Variants in DDO observed in about 807,000 individuals in gnomAD.
The protein encoded by DDO is D-aspartate oxidase, DDO.
DDO carries 16 observed loss-of-function variants against 16.8 expected under a neutral mutation model. The observed-to-expected ratio is 0.95, with a 90% CI of 0.65 to 1.45. The LOEUF is 1.45. Ranked by LOEUF, DDO falls within the 40% of genes most tolerant of loss-of-function variation. DDO has a pLI of 0.00. For synonymous variants in DDO, 180 were observed against 167.2 expected (o/e 1.08, Z -0.59); for missense variants, 429 against 420.3 (o/e 1.02, Z -0.18).
At chr6:110,411,752 G>A (rs1397071754) in intron 2 of DDO, among the ~76,000 whole-genome samples, 1 of 152,098 alleles carries the variant, frequency 6.6e-6, no homozygotes, top group Non-Finnish European at 1.5e-5. Flanking sequence ...AGGGAGGACG[G>A]TTTAAACTAT....
Position 110,392,793 on chromosome 6 carries a change from A to C in DDO, c.1008T>G (p.Ile336Met). The change falls in exon 5 of 5, where the codon ATT (isoleucine) becomes ATG (methionine). Residue 336 changes from isoleucine (I) to methionine (M), a missense_variant. Transcript: ENST00000368924. The stretch of plus-strand genomic sequence containing the variant: ...ATGTCATCTACAGGTTTGACTTGGG[A>C]ATGGGGGTCCTGAGGGCATGGACAC... ...SECVHALRTP[I>M]PKSNL 6.4e-7 allele frequency: 1 copy of C among 1,562,344 alleles called. No individual in the cohort carries two copies. Among genetic ancestry groups the C allele is most frequent in the Non-Finnish European group, 8.7e-7 (1 of 1,152,998 alleles).
At chr6:110,403,665 G>T (rs1383305623) in intron 4 of DDO, among the ~76,000 whole-genome samples, 1 of 152,148 alleles carries the variant, frequency 6.6e-6, no homozygotes, top group African/African-American at 2.4e-5. Flanking sequence ...ACTAGATTAC[G>T]ATGCCACTGA....
intron 4 of DDO, among the ~76,000 whole-genome samples, chr6:110,397,504 G>T (rs550095560): frequency 5.8e-4 from 88 of 152,162 alleles, no homozygotes; most frequent in Non-Finnish European, 1.1e-3. Flanking sequence ...ATAATTTGGG[G>T]GAATAAGAGA....
At chr6:110,388,860 T>G (rs1773056597), downstream of DDO, 2 of 951,158 alleles carry the variant, frequency 2.1e-6, no homozygotes, top group Non-Finnish European at 2.5e-6. Context: ...AAAGAAAAAA[T>G]AAAGCAGTCT....
At chr6:110,397,093 T>C (rs1233644692) in intron 4 of DDO, among the ~76,000 whole-genome samples, 1 of 152,220 alleles carries the variant, frequency 6.6e-6, no homozygotes, top group East Asian at 1.9e-4. Flanking sequence ...TTTAATCTTA[T>C]ATCCATAATA....
chr6:110,400,068 C>T (rs983933849), intron 4 of DDO, among the ~76,000 whole-genome samples: 5 of 152,142 alleles, frequency 3.3e-5, no homozygotes, highest in Non-Finnish European at 5.9e-5. Flanking sequence ...GGCTGGGGGT[C>T]ATTTTAAGTG....
intron 1 of DDO, among the ~76,000 whole-genome samples, chr6:110,414,158 A>G (rs368677456): frequency 1.0e-3 from 156 of 152,362 alleles, no homozygotes; most frequent in African/African-American, 3.4e-3. Flanking sequence ...CTTTGCTCCC[A>G]GAACTACCTG....
downstream of DDO, chr6:110,388,675 A>C (rs1043748199): frequency 2.7e-5 from 10 of 376,404 alleles, no homozygotes; most frequent in Non-Finnish European, 3.7e-5. Context: ...CCTGCTGAAG[A>C]AGCACACGCT....
chr6:110,410,836 G>C (rs1405978354), intron 2 of DDO, among the ~76,000 whole-genome samples: 1 of 152,078 alleles, frequency 6.6e-6, no homozygotes, highest in Non-Finnish European at 1.5e-5. Context: ...GGATACACCA[G>C]GTGCCTGTGT....
chr6:110,408,357 A>C lies in DDO; in HGVS notation c.258T>G (p.Asp86Glu), dbSNP rs1773728491. The change falls in exon 3 of 5, where the codon GAT (aspartate) becomes GAG (glutamate). Residue 86 changes from aspartate to glutamate, a missense_variant. By Grantham distance (45) the Asp-to-Glu change is conservative. Transcript: ENST00000368924. Reference sequence around the variant, plus strand: ...ACCCTGATACCAAATGAACACCAGCATCTCCAGCTTCTGCAGAATTGGCAA... The same window carrying C: ...ACCCTGATACCAAATGAACACCAGCCTCTCCAGCTTCTGCAGAATTGGCAA... ...FAIANSAEAG[D>E]AGVHLVSGWQ... 6.2e-7 allele frequency: 1 copy of C among 1,614,176 alleles called. No individual in the cohort carries two copies. Among genetic ancestry groups the C allele is most frequent in the Non-Finnish European group, 8.5e-7 (1 of 1,180,018 alleles).
downstream of DDO, chr6:110,388,718 T>G: frequency 1.2e-6 from 1 of 847,160 alleles, no homozygotes; most frequent in Non-Finnish European, 1.4e-6. Context: ...GCCTCGTTCC[T>G]CTGGGTCACA....
chr6:110,398,429 T>TACACACACACAAACACACCA (rs1222174948), intron 4 of DDO, among the ~76,000 whole-genome samples: 43 of 144,856 alleles, frequency 3.0e-4, no homozygotes, highest in African/African-American at 1.0e-3. Flanking sequence ...CACACACACT[T>TACACACACACAAACACACCA]GGCCTCCCAG....
At chr6:110,389,403 T>C (rs979705854), downstream of DDO, among the ~76,000 whole-genome samples, 6 of 152,346 alleles carry the variant, frequency 3.9e-5, no homozygotes, top group African/African-American at 1.4e-4. Context: ...TCTACATATG[T>C]CCCACTGGTT....
chr6:110,402,026 G>A (rs7771776), intron 4 of DDO, among the ~76,000 whole-genome samples: 3 of 152,080 alleles, frequency 2.0e-5, no homozygotes, highest in Non-Finnish European at 2.9e-5. Flanking sequence ...ACCTCAATCC[G>A]ATCCCGAGGA....
At position 110,393,236 on chromosome 6, in the gene DDO, G is replaced by C. The variant is rs17622; in HGVS notation, c.565C>G (p.Gln189Glu). Residue 189 changes from glutamine to glutamate, a missense_variant, in exon 5 of 5, where the codon CAG (glutamine) becomes GAG (glutamate). Transcript: ENST00000368924. ...VVNCSGLGSR[Q>E]LAGDSKIFPV... ...AAAATCTTTGAGTCTCCTGCAAGCT[G>C]TCTGCTTCCAAGGCCTGAACAGTTG... 8.1e-3 allele frequency: 13,035 copies of C among 1,614,180 alleles called. 810 individuals are homozygous for C. In the African/African-American group the frequency reaches 0.15, roughly 18 times the overall value.
rs150069463 is a variant in DDO at position 110,392,837 on chromosome 6, C to T, written c.964G>A (p.Ala322Thr). 1.5e-3 allele frequency: 2,398 copies of T among 1,610,478 alleles called. 5 individuals are homozygous for T. The highest frequency in any genetic ancestry group is 1.8e-3 in the Non-Finnish European group (2,171 of 1,177,766). The change falls in exon 5 of 5, where the codon GCC (alanine) becomes ACC (threonine). Residue 322 changes from alanine to threonine, a missense_variant. Physicochemically the swap from Ala to Thr is moderately conservative, Grantham distance 58. Transcript: ENST00000368924. Reference protein sequence around the residue: ...SVHWGTALEAARLVSECVHAL... With the variant: ...SVHWGTALEATRLVSECVHAL... ...TGGACACACTCGCTCACCAGCCTGG[C>T]GGCCTCCAGAGCAGTGCCCCAGTGC...
chr6:110,395,855 C>T (rs1413613639), intron 4 of DDO, among the ~76,000 whole-genome samples: 1 of 152,128 alleles, frequency 6.6e-6, no homozygotes, highest in Non-Finnish European at 1.5e-5. Flanking sequence ...AACTGGCCTT[C>T]TGATGCTGGA....
chr6:110,389,042 T>C (rs1773059401), downstream of DDO, among the ~76,000 whole-genome samples: 1 of 152,252 alleles, frequency 6.6e-6, no homozygotes, highest in African/African-American at 2.4e-5. Context: ...TATATGAGGA[T>C]ATCTTTGGGA....
chr6:110,393,632 G>T (rs1184629090), intron 4 of DDO, among the ~76,000 whole-genome samples: 1 of 152,206 alleles, frequency 6.6e-6, no homozygotes, highest in Non-Finnish European at 1.5e-5. Context: ...CATTATTCTA[G>T]ATGCTGAATA....
Sources: gnomAD v4.1 joint callset for allele counts (sites outside exome capture counted in the v4.1 genomes callset) on GRCh38, gnomAD v4.1.1 for gene constraint, MANE v1.5 for transcripts, NCBI Gene and HGNC (gene_info 2026-07-23, HGNC 2026-07-21) for gene names.